Variants in SEMA4B observed in about 807,000 individuals in gnomAD.
The protein encoded by SEMA4B is semaphorin 4B.
A neutral mutation model predicts 88.1 loss-of-function variants in SEMA4B; 55 were observed. The ratio of observed to expected loss-of-function variants is 0.62; its 90% confidence interval spans 0.50 to 0.78. The LOEUF is 0.78. SEMA4B is among the 30% of genes least tolerant of loss of function. The probability of loss-of-function intolerance (pLI) is 0.00; values close to 1 mark genes in which losing one functional copy is unlikely to be tolerated. For missense variants in SEMA4B, 1,062 were observed against 1,111.9 expected (o/e 0.96, Z 0.64); for synonymous variants, 525 against 473.6 (o/e 1.11, Z -1.41).
intron 2 of SEMA4B, 53 bp downstream of exon 2, chr15:90,217,655 A>G: frequency 6.2e-7 from 1 of 1,608,054 alleles, no homozygotes; most frequent in Non-Finnish European, 8.5e-7. Flanking sequence ...CACAGAGGGA[A>G]GATGGACGGG....
chr15:90,226,363 T>G (rs1408307787), intron 12 of SEMA4B, among the ~76,000 whole-genome samples: 1 of 152,202 alleles, frequency 6.6e-6, no homozygotes, highest in Non-Finnish European at 1.5e-5. Flanking sequence ...TTATCTTGTT[T>G]GGAGACTCGC....
chr15:90,201,133 G>A (rs1960690943), upstream of SEMA4B, among the ~76,000 whole-genome samples: 1 of 152,150 alleles, frequency 6.6e-6, no homozygotes, highest in African/African-American at 2.4e-5. Flanking sequence ...CAGTGGGGGC[G>A]GGGAGCTGGG....
intron 1 of SEMA4B, among the ~76,000 whole-genome samples, chr15:90,206,214 G>A (rs920867290): frequency 1.3e-5 from 2 of 152,188 alleles, no homozygotes; most frequent in Non-Finnish European, 2.9e-5. Flanking sequence ...ACCCCCATGG[G>A]TGCTCAGGCT....
rs1319213874 is a variant in SEMA4B, at chr15:90,219,492, G to T, written c.385-301G>T. The T allele has an allele frequency of 1.0e-5, 3 of 300,312 alleles. No homozygotes were observed. In the East Asian group the frequency reaches 2.1e-4, roughly 21 times the overall value. 18.6% of individuals were successfully genotyped at this position (300,312 alleles called of 1,614,324 possible). A position where few individuals can be genotyped will look rare whatever the true frequency, so the allele number is the denominator to read the frequency against. On this transcript the variant is annotated intron_variant, in intron 3 of 13. Transcript: ENST00000411539. ...GGAGGGGCCTGTGGCTTCTGAAGAG[G>T]ATGCTGCTGGGGAATAGTACAACTC...
At chr15:90,207,019 C>T (rs779646891) in intron 1 of SEMA4B, 151 of 415,658 alleles carry the variant, frequency 3.6e-4, no homozygotes, top group African/African-American at 2.7e-3. Flanking sequence ...GTGCCCACAG[C>T]GGCTCTATAC....
chr15:90,195,525 G>T (rs1347708622), intron 1 of SEMA4B, among the ~76,000 whole-genome samples: 1 of 152,106 alleles, frequency 6.6e-6, no homozygotes, highest in African/African-American at 2.4e-5. Context: ...ATGCTGGATG[G>T]GTCTGATTGT....
Position 90,225,754 on chromosome 15 carries a change from C to G in SEMA4B, c.1615C>G (p.Arg539Gly), listed in dbSNP as rs764292288. 1 of 1,577,632 alleles carries G rather than the reference C, an allele frequency of 6.3e-7. No individual in the cohort carries two copies. Among genetic ancestry groups the G allele is most frequent in the East Asian group, 2.3e-5 (1 of 42,576 alleles). Residue 539 changes from arginine (R) to glycine (G), a missense_variant, in exon 12 of 14, where the codon CGG (arginine) becomes GGG (glycine). Transcript: ENST00000411539. ...YRSCGDCLLA[R>G]DPYCAWSGSS... The stretch of plus-strand genomic sequence containing the variant: ...GAGCTGTGGGGACTGCCTCCTCGCC[C>G]GGGACCCCTACTGTGCTTGGAGCGG...
chr15:90,197,892 C>A (rs8043497), upstream of SEMA4B, among the ~76,000 whole-genome samples: 793 of 151,648 alleles, frequency 5.2e-3, 13 homozygotes, highest in African/African-American at 0.019. Context: ...GAGCCAGAAC[C>A]ACTAGATTTA....
In SEMA4B at chr15:90,221,002, G is replaced by C. The variant is rs758335362; in HGVS notation, c.504G>C (p.Leu168=). The change falls in exon 5 of 14, where the codon CTG becomes CTC. Residue 168 remains leucine (L), a synonymous_variant. Coordinates refer to ENST00000411539, the MANE Select transcript of SEMA4B (RefSeq NM_198925.4). ...CTYINMENFT[L]ARDEKGNVLL... ...TGCAGAACATGGAGAACTTCACCCT[G>C]GCAAGGGACGAGAAGGGGAATGTCC... is the stretch of plus-strand genomic sequence containing the variant. The C allele has an allele frequency of 1.9e-6, 3 of 1,609,144 alleles. No individual in the cohort carries two copies. The South Asian group carries it at 3.3e-5, about 18-fold the overall frequency.
At chr15:90,207,798 CCCTGG>C (rs2151601464) in intron 1 of SEMA4B, among the ~76,000 whole-genome samples, 2 of 152,198 alleles carry the variant, frequency 1.3e-5, no homozygotes, top group South Asian at 4.2e-4. Flanking sequence ...CAGCCGAGGC[CCCTGG>C]TTGCATGGCC....
rs1962332787 is a variant in SEMA4B at position 90,228,606 on chromosome 15, T to G, written c.2477T>G (p.Val826Gly). The G allele has an allele frequency of 6.2e-7, 1 of 1,613,278 alleles. No homozygotes were observed. Among genetic ancestry groups the G allele is most frequent in the Non-Finnish European group, 8.5e-7 (1 of 1,179,882 alleles). The change falls in exon 14 of 14, where the codon GTC becomes GGC. Residue 826 changes from valine (V) to glycine (G), a missense_variant. Val to Gly is a moderately radical substitution (Grantham distance 109). Transcript: ENST00000411539. ...TCCCCAGTGTGCCCCCGGCCCCGGGTCCGCCTTGGCTCGGAGATCCGTGAC... is the reference window on the plus strand; with the variant it reads ...TCCCCAGTGTGCCCCCGGCCCCGGGGCCGCCTTGGCTCGGAGATCCGTGAC... The part of the protein sequence containing the change: ...EVSPVCPRPR[V>G]RLGSEIRDSV...
chr15:90,224,547 C>G (rs1282660302), intron 9 of SEMA4B, among the ~76,000 whole-genome samples: 1 of 152,178 alleles, frequency 6.6e-6, no homozygotes. Context: ...TGCTGGAGCC[C>G]CTGACAGATG....
chr15:90,223,311 G>T (rs1237815036), intron 7 of SEMA4B, among the ~76,000 whole-genome samples: 3 of 152,122 alleles, frequency 2.0e-5, no homozygotes, highest in Non-Finnish European at 4.4e-5. Flanking sequence ...GGGGTCCTTT[G>T]GCTTCCTTGT....
chr15:90,201,865 C>T (rs964991997), intron 1 of SEMA4B, 130 bp downstream of exon 1: 2 of 897,090 alleles, frequency 2.2e-6, no homozygotes, highest in African/African-American at 3.5e-5. Context: ...ATTAGGACCC[C>T]TTCTTTTTTC....
intron 1 of SEMA4B, among the ~76,000 whole-genome samples, chr15:90,194,870 G>A (rs935745383): frequency 2.0e-5 from 3 of 152,180 alleles, no homozygotes; most frequent in African/African-American, 7.2e-5. Context: ...TGAATCATTT[G>A]AAAGTAAGTT....
chr15:90,217,632 C>G, intron 2 of SEMA4B, 30 bp downstream of exon 2: 12 of 1,611,450 alleles, frequency 7.4e-6, no homozygotes, highest in Non-Finnish European at 9.3e-6. Flanking sequence ...GCTGGCTAGG[C>G]TGGGCAGAGG....
At chr15:90,197,731 C>T (rs1016415141), upstream of SEMA4B, among the ~76,000 whole-genome samples, 1 of 151,764 alleles carries the variant, frequency 6.6e-6, no homozygotes, top group Non-Finnish European at 1.5e-5. Context: ...GCCACCATGC[C>T]CGGCCCTGCT....
intron 1 of SEMA4B, among the ~76,000 whole-genome samples, chr15:90,195,782 G>C (rs1450995066): frequency 7.0e-6 from 1 of 143,842 alleles, no homozygotes; most frequent in Non-Finnish European, 1.5e-5. Context: ...GCTAATTTTT[G>C]TAATTTTTGT....
intron 1 of SEMA4B, among the ~76,000 whole-genome samples, chr15:90,190,862 A>G (rs1325299010): frequency 1.3e-5 from 2 of 151,904 alleles, no homozygotes; most frequent in Non-Finnish European, 2.9e-5. Flanking sequence ...TGCAGCCTCT[A>G]CCTCTCAGGT....
Sources: allele counts gnomAD v4.1 joint callset (sites outside exome capture counted in the v4.1 genomes callset), GRCh38; gene constraint gnomAD v4.1.1; transcripts MANE v1.5; gene names NCBI Gene and HGNC (gene_info 2026-07-23, HGNC 2026-07-21).